The following CDKAL1 variants were observed in gnomAD, a reference collection of about 807,000 sequenced individuals.
The protein encoded by CDKAL1 is CDKAL1 threonylcarbamoyladenosine tRNA methylthiotransferase.
A neutral mutation model predicts 68.2 loss-of-function variants in CDKAL1; 32 were observed. The observed-to-expected ratio is 0.47, with a 90% CI of 0.35 to 0.63. CDKAL1 has a LOEUF of 0.63. Ranked by LOEUF, CDKAL1 falls within the 30% of genes least tolerant of loss-of-function variation. The pLI is 0.00. For missense variants in CDKAL1, 606 were observed against 696.7 expected, an observed-to-expected ratio of 0.87 and a Z score of 1.47; for synonymous variants, 234 against 244.3, an observed-to-expected ratio of 0.96 and a Z score of 0.39.
At chr6:21,040,501 G>C (rs1407987858) in intron 11 of CDKAL1, among the ~76,000 whole-genome samples, 1 of 150,878 alleles carries the variant, frequency 6.6e-6, no homozygotes, top group Non-Finnish European at 1.5e-5. Context: ...GTAAATAATA[G>C]GTTATTACCA....
At chr6:20,833,031 T>C (rs1300493034) in intron 8 of CDKAL1, among the ~76,000 whole-genome samples, 1 of 152,170 alleles carries the variant, frequency 6.6e-6, no homozygotes, top group Non-Finnish European at 1.5e-5. Context: ...TTGATACGAA[T>C]TTTATCTCAG....
At chr6:20,623,419 AT>A (rs1423478234) in intron 4 of CDKAL1, among the ~76,000 whole-genome samples, 28 of 152,206 alleles carry the variant, frequency 1.8e-4, no homozygotes, top group Middle Eastern at 6.8e-3. Context: ...GCTTAGACTT[AT>A]TTTGTAGCAC....
At chr6:20,871,206 A>G (rs1052360200) in intron 9 of CDKAL1, among the ~76,000 whole-genome samples, 2 of 152,190 alleles carry the variant, frequency 1.3e-5, no homozygotes, top group Admixed American at 1.3e-4. Context: ...TTATATTGAA[A>G]TAGCGTTATC....
At chr6:20,537,889 CTAT>C (rs1763238144) in intron 2 of CDKAL1, among the ~76,000 whole-genome samples, 2 of 6,106 alleles carry the variant, frequency 3.3e-4, no homozygotes, top group Admixed American at 1.4e-3. Flanking sequence ...ACAATTCCCT[CTAT>C]CAGTCTATCA....
intron 4 of CDKAL1, among the ~76,000 whole-genome samples, chr6:20,556,998 A>T (rs1477713330): frequency 6.6e-6 from 1 of 150,414 alleles, no homozygotes; most frequent in Non-Finnish European, 1.5e-5. Flanking sequence ...AGATCATGCC[A>T]CTGTACTCCA....
At chr6:20,936,690 A>G (rs1763735615) in intron 9 of CDKAL1, among the ~76,000 whole-genome samples, 1 of 152,196 alleles carries the variant, frequency 6.6e-6, no homozygotes, top group Non-Finnish European at 1.5e-5. Flanking sequence ...TTGCAAATAC[A>G]GGCATTATCT....
chr6:20,917,340 C>T (rs906484959), intron 9 of CDKAL1, among the ~76,000 whole-genome samples: 20 of 152,014 alleles, frequency 1.3e-4, no homozygotes, highest in Non-Finnish European at 4.4e-5. Flanking sequence ...ACAGTGAGAC[C>T]TTTCTTTTAA....
chr6:20,837,293 G>C (rs1034137081), intron 8 of CDKAL1, among the ~76,000 whole-genome samples: 5 of 151,974 alleles, frequency 3.3e-5, no homozygotes, highest in Admixed American at 2.6e-4. Flanking sequence ...TGAAATATAA[G>C]ATTTTTTTTT....
chr6:20,617,089 G>A (rs1372974870), intron 4 of CDKAL1, among the ~76,000 whole-genome samples: 1 of 151,162 alleles, frequency 6.6e-6, no homozygotes. Flanking sequence ...GAAAAACCAC[G>A]GGGGGCTTAA....
intron 7 of CDKAL1, 61 bp downstream of exon 7, chr6:20,758,704 C>T (rs1388094735): frequency 6.4e-6 from 8 of 1,254,984 alleles, no homozygotes; most frequent in Non-Finnish European, 9.0e-6. Flanking sequence ...AGTAGAAACA[C>T]CACTCAGGTA....
chr6:20,916,009 A>G (rs1044883540), intron 9 of CDKAL1, among the ~76,000 whole-genome samples: 3 of 152,182 alleles, frequency 2.0e-5, no homozygotes, highest in African/African-American at 7.2e-5. Flanking sequence ...GAAAAGATTA[A>G]TGACTGCTGG....
chr6:20,718,056 T>C (rs1238050062), intron 5 of CDKAL1, among the ~76,000 whole-genome samples: 1 of 152,188 alleles, frequency 6.6e-6, no homozygotes. Flanking sequence ...AGATGTTCTT[T>C]TTGTTCAGGT....
At chr6:20,745,160 C>G (rs1250605021) in intron 6 of CDKAL1, among the ~76,000 whole-genome samples, 1 of 152,210 alleles carries the variant, frequency 6.6e-6, no homozygotes, top group East Asian at 1.9e-4. Context: ...AGTGGTTAAA[C>G]ATCTTTTCAG....
chr6:20,948,265 G>A (rs537547254), intron 9 of CDKAL1, among the ~76,000 whole-genome samples: 34 of 152,074 alleles, frequency 2.2e-4, no homozygotes, highest in Non-Finnish European at 3.4e-4. Flanking sequence ...AATCCTTTGT[G>A]CCTTGGCCTC....
At chr6:21,080,271 G>T (rs1170840453) in intron 12 of CDKAL1, among the ~76,000 whole-genome samples, 2 of 152,086 alleles carry the variant, frequency 1.3e-5, no homozygotes, top group Non-Finnish European at 2.9e-5. Context: ...CTACCATCTT[G>T]AATCTGAAAT....
At chr6:20,620,716 C>A (rs1767153185) in intron 4 of CDKAL1, among the ~76,000 whole-genome samples, 1 of 151,574 alleles carries the variant, frequency 6.6e-6, no homozygotes, top group Non-Finnish European at 1.5e-5. Context: ...TGGAAGAAAA[C>A]TTTTGGCTTC....
chr6:20,594,028 G>A (rs1173606843), intron 4 of CDKAL1, among the ~76,000 whole-genome samples: 1 of 152,256 alleles, frequency 6.6e-6, no homozygotes, highest in Non-Finnish European at 1.5e-5. Context: ...TGATTGCACT[G>A]TGGTCTGAGA....
At chr6:21,069,394 A>T (rs1408977488) in intron 12 of CDKAL1, among the ~76,000 whole-genome samples, 1 of 152,154 alleles carries the variant, frequency 6.6e-6, no homozygotes, top group Admixed American at 6.5e-5. Context: ...TTTTTTGTCT[A>T]TTGAAATAAT....
intron 5 of CDKAL1, among the ~76,000 whole-genome samples, chr6:20,728,773 C>T (rs998473072): frequency 6.6e-6 from 1 of 152,166 alleles, no homozygotes; most frequent in South Asian, 2.1e-4. Context: ...TACCAAGTCA[C>T]TTAGATTCGC....
Sources: allele counts gnomAD v4.1 joint callset (sites outside exome capture counted in the v4.1 genomes callset), GRCh38; gene constraint gnomAD v4.1.1; transcripts MANE v1.5; gene names NCBI Gene and HGNC (gene_info 2026-07-23, HGNC 2026-07-21).